Variants in TACC1 observed in about 807,000 individuals in gnomAD.
TACC1 encodes the protein transforming acidic coiled-coil-containing protein 1.
A neutral mutation model predicts 84.4 loss-of-function variants in TACC1; 48 were observed. The observed-to-expected ratio is 0.57, with a 90% CI of 0.45 to 0.72. The LOEUF (loss-of-function observed/expected upper bound fraction) is 0.72, where lower values mean the gene tolerates loss of function less well. TACC1 is among the 30% of genes least tolerant of loss of function. TACC1 has a pLI of 0.00. For synonymous variants in TACC1, 372 were observed against 376.3 expected, an observed-to-expected ratio of 0.99 and a Z score of 0.13; for missense variants, 920 against 973.0, an observed-to-expected ratio of 0.95 and a Z score of 0.72.
At chr8:38,744,416 T>G (rs1807675341) in intron 2 of TACC1, among the ~76,000 whole-genome samples, 1 of 152,018 alleles carries the variant, frequency 6.6e-6, no homozygotes. Flanking sequence ...GCACCGAGCC[T>G]GACACTTCTA....
At chr8:38,738,317 G>A (rs1202461536) in intron 1 of TACC1, among the ~76,000 whole-genome samples, 1 of 151,994 alleles carries the variant, frequency 6.6e-6, no homozygotes, top group African/African-American at 2.4e-5. Flanking sequence ...GCTCAGGCAG[G>A]AGGATCTCTT....
In TACC1 at chr8:38,843,325, T is replaced by G; in HGVS notation, c.2158T>G (p.Leu720Val). 1 of 1,607,542 alleles carries G rather than the reference T, an allele frequency of 6.2e-7. No individual in the cohort carries two copies. Among genetic ancestry groups the G allele is most frequent in the African/African-American group, 1.3e-5 (1 of 74,778 alleles). Reference sequence around the variant, plus strand: ...CTTGAAGAAATGTGCTCAGGATTACTTAGCCAGAGTTAAACAAGAGGAGCA... The same window carrying G: ...CTTGAAGAAATGTGCTCAGGATTACGTAGCCAGAGTTAAACAAGAGGAGCA... ...EALKKCAQDY[L>V]ARVKQEEQRY... Residue 720 changes from leucine (L) to valine (V), a missense_variant, in exon 11 of 13, where the codon TTA becomes GTA. Coordinates refer to ENST00000317827, the MANE Select transcript of TACC1 (RefSeq NM_006283.3).
chr8:38,814,509 TG>T (rs1422371657), intron 2 of TACC1, among the ~76,000 whole-genome samples: 2 of 152,244 alleles, frequency 1.3e-5, no homozygotes, highest in Non-Finnish European at 2.9e-5. Context: ...TGTTCAGGTT[TG>T]TAGCCTAGGA....
Position 38,846,683 on chromosome 8 carries a change from C to T in TACC1, c.2229-16C>T. On this transcript the variant is annotated splice_polypyrimidine_tract_variant and intron_variant, in intron 11 of 12. Coordinates refer to ENST00000317827, the MANE Select transcript of TACC1 (RefSeq NM_006283.3). ...GTGCTTTTTGTCTCTTTATTACACC[C>T]AAACACCATAAACAGAGCCAATGAA... 1.2e-6 allele frequency: 2 copies of T among 1,613,718 alleles called. No individual in the cohort carries two copies. Among genetic ancestry groups the T allele is most frequent in the Admixed American group, 3.3e-5 (2 of 59,980 alleles).
intron 2 of TACC1, among the ~76,000 whole-genome samples, chr8:38,809,518 T>G (rs1823572006): frequency 6.6e-6 from 1 of 151,930 alleles, no homozygotes. Context: ...AGGGACTCAG[T>G]TTGGTAAAAG....
intron 3 of TACC1, among the ~76,000 whole-genome samples, chr8:38,770,409 C>G (rs748978404): frequency 1.3e-4 from 20 of 152,118 alleles, no homozygotes; most frequent in South Asian, 2.1e-4. Flanking sequence ...TCCCCTGCCC[C>G]CTCCGCCGCG....
At chr8:38,809,810 TGA>T (rs979222764) in intron 2 of TACC1, among the ~76,000 whole-genome samples, 58 of 152,284 alleles carry the variant, frequency 3.8e-4, no homozygotes, top group African/African-American at 1.3e-3. Flanking sequence ...TCCTGACAGC[TGA>T]GTGTTGGTAG....
intron 3 of TACC1, among the ~76,000 whole-genome samples, chr8:38,769,219 G>A (rs1459587724): frequency 6.8e-6 from 1 of 147,680 alleles, no homozygotes; most frequent in African/African-American, 2.5e-5. Context: ...TGTGGTGTGT[G>A]TATGTGTATG....
At chr8:38,728,872 T>G (rs1804356064) in intron 1 of TACC1, 1 of 152,248 alleles carries the variant, frequency 6.6e-6, no homozygotes, top group Non-Finnish European at 1.5e-5. Context: ...AATTCTTGGG[T>G]CTCTGGAACC....
At chr8:38,761,243 T>G (rs1811155936) in intron 3 of TACC1, among the ~76,000 whole-genome samples, 1 of 152,142 alleles carries the variant, frequency 6.6e-6, no homozygotes, top group Non-Finnish European at 1.5e-5. Context: ...TGTGGAGAGA[T>G]TTGAAGTATG....
chr8:38,728,928 G>A (rs1231649771), intron 1 of TACC1, among the ~76,000 whole-genome samples: 2 of 152,106 alleles, frequency 1.3e-5, no homozygotes, highest in South Asian at 2.1e-4. Flanking sequence ...AGAATTCTAG[G>A]AAGTAAATAT....
chr8:38,788,628 C>G, intron 1 of TACC1, 76 bp from the exon 2 acceptor site: 1 of 1,169,376 alleles, frequency 8.6e-7, no homozygotes, highest in Non-Finnish European at 1.2e-6. Flanking sequence ...CTTTTAGCCT[C>G]TGTGAATATG....
intron 5 of TACC1, among the ~76,000 whole-genome samples, chr8:38,829,167 A>G (rs1220401896): frequency 6.6e-6 from 1 of 152,210 alleles, no homozygotes; most frequent in Non-Finnish European, 1.5e-5. Context: ...TCTTCTTAAC[A>G]TAATTTTATT....
At chr8:38,795,736 C>A (rs1038860631) in intron 2 of TACC1, among the ~76,000 whole-genome samples, 2 of 152,122 alleles carry the variant, frequency 1.3e-5, no homozygotes, top group Non-Finnish European at 2.9e-5. Context: ...TGCTAAATTG[C>A]CTGGTGACTA....
upstream of TACC1, among the ~76,000 whole-genome samples, chr8:38,783,262 C>T (rs1816490970): frequency 6.6e-6 from 1 of 151,784 alleles, no homozygotes; most frequent in East Asian, 1.9e-4. Context: ...TTCTGTGATA[C>T]AGAAGAAAAC....
intron 7 of TACC1, among the ~76,000 whole-genome samples, chr8:38,837,151 A>G (rs1321651203): frequency 7.0e-6 from 1 of 142,888 alleles, no homozygotes; most frequent in Non-Finnish European, 1.5e-5. Context: ...GCAGTAGCTC[A>G]TGCCTGTAAT....
intron 3 of TACC1, among the ~76,000 whole-genome samples, chr8:38,751,750 G>T (rs1809073221): frequency 6.6e-6 from 1 of 151,932 alleles, no homozygotes; most frequent in African/African-American, 2.4e-5. Flanking sequence ...CAAAAATTTT[G>T]TGTGATTCGC....
chr8:38,838,440 T>A (rs770649458), intron 7 of TACC1, 30 bp from the exon 8 acceptor site: 1 of 1,539,236 alleles, frequency 6.5e-7, no homozygotes, highest in East Asian at 2.2e-5. Flanking sequence ...TGTAATAGAT[T>A]GGGTAAAACT....
intron 1 of TACC1, among the ~76,000 whole-genome samples, chr8:38,737,382 G>A (rs548462693): frequency 3.9e-5 from 6 of 152,342 alleles, no homozygotes; most frequent in Non-Finnish European, 5.9e-5. Flanking sequence ...CAGTGGCTTC[G>A]CTCAGTGCCA....
Sources: gnomAD v4.1 joint callset for allele counts (sites outside exome capture counted in the v4.1 genomes callset) on GRCh38, gnomAD v4.1.1 for gene constraint, MANE v1.5 for transcripts, NCBI Gene and HGNC (gene_info 2026-07-23, HGNC 2026-07-21) for gene names.